Variants in USP6NL observed in about 807,000 individuals in gnomAD.
USP6NL encodes the protein USP6 N-terminal like, also known as USP6 N-terminal-like protein.
In USP6NL, 26 loss-of-function variants were observed where a neutral mutation model predicts 61.9. That is an observed-to-expected ratio of 0.42 (90% CI 0.31 to 0.58). The LOEUF (loss-of-function observed/expected upper bound fraction) is 0.58, where lower values mean the gene tolerates loss of function less well. USP6NL is among the 20% of genes least tolerant of loss of function. The pLI, the probability that USP6NL is intolerant of heterozygous loss-of-function variation, is 0.16. For missense variants in USP6NL, 1,114 were observed against 1,034.3 expected (o/e 1.08, Z -1.06); for synonymous variants, 432 against 390.1 (o/e 1.11, Z -1.27).
chr10:11,518,479 T>C lies in USP6NL; in HGVS notation c.195+56A>G, dbSNP rs184662534. The stretch of plus-strand genomic sequence containing the variant: ...AAATCACAAAGGTGGTCAATTTTAT[T>C]CTTCTAATAAAGGCAATTCACCAGT... On this transcript the variant is annotated intron_variant, in intron 5 of 14. Coordinates refer to ENST00000609104, the MANE Select transcript of USP6NL (RefSeq NM_014688.5). This position sits in a 1 kb window ranked among gnomAD's most constrained non-coding sequence, Gnocchi z 5.3. 8 of 1,487,142 alleles carry C rather than the reference T, an allele frequency of 5.4e-6. No homozygotes were observed. Among genetic ancestry groups the C allele is most frequent in the Non-Finnish European group, 7.5e-6 (8 of 1,068,938 alleles). The allele number at this position is 1,487,142 out of a possible 1,614,324, so 92.1% of individuals were successfully genotyped here.
chr10:11,568,184 CGT>C (rs1424743640), intron 2 of USP6NL, among the ~76,000 whole-genome samples: 57 of 151,492 alleles, frequency 3.8e-4, no homozygotes, highest in Middle Eastern at 3.4e-3. Context: ...TGCGCGCGCG[CGT>C]GCTTGTATGC....
At chr10:11,560,499 T>C (rs1228382498) in intron 2 of USP6NL, among the ~76,000 whole-genome samples, 2 of 151,908 alleles carry the variant, frequency 1.3e-5, no homozygotes, top group African/African-American at 2.4e-5. Context: ...TTTTTTCTTA[T>C]ATAACTCTGC....
intron 14 of USP6NL, among the ~76,000 whole-genome samples, chr10:11,480,236 G>C (rs369776926): frequency 6.6e-6 from 1 of 152,182 alleles, no homozygotes; most frequent in African/African-American, 2.4e-5. Flanking sequence ...GATTAAATGA[G>C]ACGGCACCTG....
chr10:11,489,106 C>T lies in USP6NL; in HGVS notation c.660G>A (p.Met220Ile). The T allele has an allele frequency of 1.2e-6, 2 of 1,613,744 alleles. No homozygotes were observed. Among genetic ancestry groups the T allele is most frequent in the Middle Eastern group, 1.6e-4 (1 of 6,062 alleles). ...VKLFSGPKHA[M>I]HGFFVQGFPK... The stretch of plus-strand genomic sequence containing the variant: ...TAAAGCACAGGGTTTTCTTACCATG[C>T]ATGGCATGTTTAGGGCCTGAGAAGA... The change falls in exon 10 of 15, where the codon ATG becomes ATA. Residue 220 changes from methionine to isoleucine, a missense_variant. By Grantham distance (10) the Met-to-Ile change is conservative (BLOSUM62 1). Coordinates refer to ENST00000609104, the MANE Select transcript of USP6NL (RefSeq NM_014688.5). The surrounding 1 kb of genome is among the most constrained non-coding windows in gnomAD (Gnocchi z 5.7).
rs12098761 is a variant in USP6NL at position 11,552,912 on chromosome 10, T to A, written c.5-25345A>T. On this transcript the variant is annotated intron_variant, in intron 2 of 14. Transcript: ENST00000609104. ...AGTGGTGAAGTCTGGGCTTTTAGTG[T>A]ACCCATTACCCCAATAAAGAATAAT... Among the ~76,000 whole-genome samples, 611 of 152,264 alleles carry A rather than the reference T, an allele frequency of 4.0e-3. 5 individuals carry two copies. The highest frequency in any genetic ancestry group is 0.014 in the African/African-American group (569 of 41,530).
rs1197686259 is a variant in USP6NL, at chr10:11,513,906, T to C, written c.196-4231A>G. On this transcript the variant is annotated intron_variant, in intron 5 of 14. Coordinates refer to ENST00000609104, the MANE Select transcript of USP6NL (RefSeq NM_014688.5). This position sits in a 1 kb window ranked among gnomAD's most constrained non-coding sequence, Gnocchi z 4.7. ...CCTTGGCCTTTGTCTCTGATGACAC[T>C]GATGTTTTGAAAAGTCAAGGCCACA... is the stretch of plus-strand genomic sequence containing the variant. Among the ~76,000 whole-genome samples, 1 of 152,184 alleles carries C rather than the reference T, an allele frequency of 6.6e-6. No homozygotes were observed. The highest frequency in any genetic ancestry group is 2.1e-4 in the South Asian group (1 of 4,834).
Position 11,509,629 on chromosome 10 carries a change from A to C in USP6NL, c.242T>G (p.Leu81Arg), listed in dbSNP as rs770854083. Residue 81 changes from leucine (L) to arginine (R), a missense_variant, in exon 6 of 15, where the codon CTG (leucine) becomes CGG (arginine). Physicochemically the swap from Leu to Arg is moderately radical, Grantham distance 102 (BLOSUM62 -2). Transcript: ENST00000609104. ...IERTTKWLKM[L>R]KGWEKYKNTE... ...GTTCTTGTATTTTTCCCATCCTTTC[A>C]GCATTTTCAGCCATTTGGTAGTTCT... The C allele has an allele frequency of 6.4e-7, 1 of 1,567,328 alleles. No homozygotes were observed. Among genetic ancestry groups the C allele is most frequent in the Non-Finnish European group, 8.7e-7 (1 of 1,154,896 alleles).
chr10:11,505,796 T>C (rs1834404940), intron 6 of USP6NL, among the ~76,000 whole-genome samples: 1 of 152,222 alleles, frequency 6.6e-6, no homozygotes, highest in Non-Finnish European at 1.5e-5. Context: ...AGTAAACTTT[T>C]CAGCCCAGCA....
intron 2 of USP6NL, among the ~76,000 whole-genome samples, chr10:11,530,166 C>A (rs1330770130): frequency 6.9e-6 from 1 of 144,056 alleles, no homozygotes; most frequent in African/African-American, 2.6e-5. Flanking sequence ...ACTTATGAAA[C>A]TCCATTTCTA....
In USP6NL at chr10:11,576,803, T is replaced by C. The variant is rs12252244; in HGVS notation, c.4+20828A>G. Among the ~76,000 whole-genome samples the C allele has an allele frequency of 4.9e-3, 749 of 152,330 alleles. 10 individuals carry two copies. The highest frequency in any genetic ancestry group is 0.017 in the African/African-American group (724 of 41,570). On this transcript the variant is annotated intron_variant, in intron 2 of 14. Coordinates refer to ENST00000609104, the MANE Select transcript of USP6NL (RefSeq NM_014688.5). Reference sequence around the variant, plus strand: ...ATAGAAAAAAATCCTCCCTCTCTGATATTATTCAGAAATGTCCTAGCTACT... The same window carrying C: ...ATAGAAAAAAATCCTCCCTCTCTGACATTATTCAGAAATGTCCTAGCTACT...
chr10:11,606,553 T>C (rs1030349987), intron 1 of USP6NL, among the ~76,000 whole-genome samples: 5 of 152,206 alleles, frequency 3.3e-5, no homozygotes, highest in Non-Finnish European at 5.9e-5. Context: ...GTAAATGTTT[T>C]TAAAGGTCTT....
At chr10:11,577,613 G>A (rs1019035873) in intron 2 of USP6NL, among the ~76,000 whole-genome samples, 3 of 151,876 alleles carry the variant, frequency 2.0e-5, no homozygotes, top group African/African-American at 7.3e-5. Flanking sequence ...CAATTCTCCT[G>A]CTTCAGCCTC....
intron 14 of USP6NL, among the ~76,000 whole-genome samples, chr10:11,472,810 T>C (rs1832812220): frequency 1.3e-5 from 2 of 152,222 alleles, no homozygotes; most frequent in Non-Finnish European, 2.9e-5. Context: ...GTTGGGTTCA[T>C]AGGCTTGACT....
Position 11,562,831 on chromosome 10 carries a change from A to G in USP6NL, c.4+34800T>C. 5.2e-6 allele frequency: 5 copies of G among 962,226 alleles called. No homozygotes were observed. Among genetic ancestry groups the G allele is most frequent in the African/African-American group, 1.8e-5 (1 of 56,854 alleles). The allele number at this position is 962,226 out of a possible 1,614,324, so 59.6% of individuals were successfully genotyped here. On this transcript the variant is annotated intron_variant, in intron 2 of 14. Coordinates refer to ENST00000609104, the MANE Select transcript of USP6NL (RefSeq NM_014688.5). This position sits in a 1 kb window ranked among gnomAD's most constrained non-coding sequence, Gnocchi z 4.8. ...GCATTAGTAAATAAGTTTTAGAAGA[A>G]TAATAGTAAGGGTCTTTTGGTAGTT...
At chr10:11,541,456 TGGTA>T (rs144666681) in intron 2 of USP6NL, among the ~76,000 whole-genome samples, 2 of 151,690 alleles carry the variant, frequency 1.3e-5, no homozygotes, top group African/African-American at 4.8e-5. Context: ...ATGAGAAAAT[TGGTA>T]GGTTAACTGC....
In USP6NL at chr10:11,527,517, C is replaced by T; in HGVS notation, c.55G>A (p.Val19Ile). 6.2e-7 allele frequency: 1 copy of T among 1,607,526 alleles called. No individual in the cohort carries two copies. The highest frequency in any genetic ancestry group is 8.5e-7 in the Non-Finnish European group (1 of 1,176,722). The change falls in exon 3 of 15, where the codon GTT (valine) becomes ATT (isoleucine). Residue 19 changes from valine to isoleucine, a missense_variant. Coordinates refer to ENST00000609104, the MANE Select transcript of USP6NL (RefSeq NM_014688.5). ...LKLAQERAEI[V>I]AKYDRGREGA... Reference sequence around the variant, plus strand: ...ATACTTACTCTGTCATATTTAGCAACTATTTCAGCTCGCTCCTGGGCAAGT... The same window carrying T: ...ATACTTACTCTGTCATATTTAGCAATTATTTCAGCTCGCTCCTGGGCAAGT...
chr10:11,581,095 T>C (rs1360879875), intron 2 of USP6NL, among the ~76,000 whole-genome samples: 1 of 152,150 alleles, frequency 6.6e-6, no homozygotes, highest in Non-Finnish European at 1.5e-5. Flanking sequence ...TTTCTTCTTT[T>C]TGTCAATACA....
chr10:11,518,799 C>A lies in USP6NL; in HGVS notation c.156-225G>T, dbSNP rs1835078544. Among the ~76,000 whole-genome samples the A allele has an allele frequency of 1.3e-5, 2 of 152,208 alleles. No homozygotes were observed. The highest frequency in any genetic ancestry group is 6.5e-5 in the Admixed American group (1 of 15,282). On this transcript the variant is annotated intron_variant, in intron 4 of 14. Coordinates refer to ENST00000609104, the MANE Select transcript of USP6NL (RefSeq NM_014688.5). The surrounding 1 kb of genome is among the most constrained non-coding windows in gnomAD (Gnocchi z 5.3). ...CACTGTCACCAGTAGCCACAAGCCACATTTATTAATAAAAAGCATCTAATT... is the reference window on the plus strand; with the variant it reads ...CACTGTCACCAGTAGCCACAAGCCAAATTTATTAATAAAAAGCATCTAATT...
chr10:11,554,827 TC>T (rs1836618373), intron 2 of USP6NL, among the ~76,000 whole-genome samples: 1 of 137,572 alleles, frequency 7.3e-6, no homozygotes. Flanking sequence ...TGAGGCAGAG[TC>T]TTGCTCTGTC....
Sources: gnomAD v4.1 joint callset for allele counts (sites outside exome capture counted in the v4.1 genomes callset) on GRCh38, gnomAD v4.1.1 for gene constraint, Gnocchi (gnomAD v3.1) non-coding constraint, MANE v1.5 for transcripts, NCBI Gene and HGNC (gene_info 2026-07-23, HGNC 2026-07-21) for gene names.